The following ARNT2 variants were observed in gnomAD, a reference collection of about 807,000 sequenced individuals.
ARNT2 encodes the protein aryl hydrocarbon receptor nuclear translocator 2.
In ARNT2, 36 loss-of-function variants were observed where a neutral mutation model predicts 91.7. The ratio of observed to expected loss-of-function variants is 0.39; its 90% confidence interval spans 0.30 to 0.52. The LOEUF (loss-of-function observed/expected upper bound fraction) is 0.52. ARNT2 is among the 20% of genes least tolerant of loss of function. ARNT2 has a pLI of 0.72. For synonymous variants in ARNT2, 365 were observed against 347.1 expected, an observed-to-expected ratio of 1.05 and a Z score of -0.57; for missense variants, 775 against 939.3, an observed-to-expected ratio of 0.83 and a Z score of 2.29.
intron 1 of ARNT2, among the ~76,000 whole-genome samples, chr15:80,429,884 C>T (rs1895985303): frequency 6.6e-6 from 1 of 152,186 alleles, no homozygotes; most frequent in African/African-American, 2.4e-5. Flanking sequence ...TCATGACTGC[C>T]CTTCCATCCT....
intron 8 of ARNT2, among the ~76,000 whole-genome samples, chr15:80,541,976 G>T (rs1342529478): frequency 6.6e-6 from 1 of 152,230 alleles, no homozygotes; most frequent in South Asian, 2.1e-4. Context: ...CTGCTCGTCA[G>T]TGTTGGTGTC....
intron 12 of ARNT2, among the ~76,000 whole-genome samples, chr15:80,568,227 G>A (rs982173719): frequency 2.0e-4 from 31 of 152,180 alleles, no homozygotes; most frequent in African/African-American, 6.8e-4. Context: ...GCACTGGGGG[G>A]CCAAGACTCA....
In ARNT2 at chr15:80,547,162, A is replaced by G. The variant is rs528176131; in HGVS notation, c.878-4037A>G. On this transcript the variant is annotated intron_variant, in intron 8 of 18. Transcript: ENST00000303329. ...TTCAAGGGCACACAAAGTTAAAACTATTCTCATAATAACACTGAGATGTTA... is the reference window on the plus strand; with the variant it reads ...TTCAAGGGCACACAAAGTTAAAACTGTTCTCATAATAACACTGAGATGTTA... 5.3e-5 allele frequency among the ~76,000 whole-genome samples: 8 copies of G among 152,290 alleles called. No individual in the cohort carries two copies. The South Asian group carries it at 1.4e-3, about 28-fold the overall frequency.
chr15:80,463,806 G>C (rs1248149342), intron 3 of ARNT2, among the ~76,000 whole-genome samples: 1 of 152,090 alleles, frequency 6.6e-6, no homozygotes, highest in Non-Finnish European at 1.5e-5. Flanking sequence ...CCAACCTCAG[G>C]TGATCCGCCT....
At chr15:80,578,014 GC>G (rs1898713750) in intron 15 of ARNT2, among the ~76,000 whole-genome samples, 1 of 152,188 alleles carries the variant, frequency 6.6e-6, no homozygotes, top group Non-Finnish European at 1.5e-5. Flanking sequence ...CAATAGTCAA[GC>G]CCTCCAGACT....
chr15:80,414,174 A>C (rs1346311726), intron 1 of ARNT2, among the ~76,000 whole-genome samples: 1 of 152,224 alleles, frequency 6.6e-6, no homozygotes, highest in African/African-American at 2.4e-5. Flanking sequence ...GTGTATCCAC[A>C]CAGTGCTTCT....
At chr15:80,459,202 T>C (rs1384914153) in intron 3 of ARNT2, among the ~76,000 whole-genome samples, 1 of 152,232 alleles carries the variant, frequency 6.6e-6, no homozygotes, top group Non-Finnish European at 1.5e-5. Flanking sequence ...TCTGCTTTGG[T>C]TGAAACAGTA....
intron 8 of ARNT2, among the ~76,000 whole-genome samples, chr15:80,538,291 A>G (rs970529928): frequency 6.6e-6 from 1 of 152,204 alleles, no homozygotes; most frequent in Non-Finnish European, 1.5e-5. Context: ...TAATATGGCC[A>G]ATAATCTTGA....
At chr15:80,535,072 G>A (rs1897798382) in intron 8 of ARNT2, among the ~76,000 whole-genome samples, 2 of 152,164 alleles carry the variant, frequency 1.3e-5, no homozygotes, top group South Asian at 4.1e-4. Flanking sequence ...TCTACATTCA[G>A]GGCAGGAGGA....
At chr15:80,464,324 G>A (rs1000710703) in intron 3 of ARNT2, among the ~76,000 whole-genome samples, 3 of 150,840 alleles carry the variant, frequency 2.0e-5, no homozygotes, top group African/African-American at 4.9e-5. Flanking sequence ...GGGGCTGGGG[G>A]TGGGGGGTTG....
At chr15:80,513,877 CT>C in intron 6 of ARNT2, 33 bp from the exon 7 acceptor site, 2 of 1,573,442 alleles carry the variant, frequency 1.3e-6, no homozygotes, top group Non-Finnish European at 1.7e-6. Context: ...TTGCCTGGGT[CT>C]TTGCTCATTC....
chr15:80,570,283 T>C (rs1356777441), intron 12 of ARNT2, among the ~76,000 whole-genome samples: 3 of 151,912 alleles, frequency 2.0e-5, no homozygotes, highest in African/African-American at 7.3e-5. Context: ...GGACCCATAG[T>C]TCACACCCTG....
intron 9 of ARNT2, 148 bp from the exon 10 acceptor site, chr15:80,552,492 G>C (rs1305608372): frequency 2.1e-6 from 2 of 966,594 alleles, no homozygotes; most frequent in African/African-American, 3.3e-5. Context: ...ACCAGGGATA[G>C]ATATTTGAAC....
At chr15:80,476,443 G>A (rs1358466797) in intron 5 of ARNT2, among the ~76,000 whole-genome samples, 4 of 152,180 alleles carry the variant, frequency 2.6e-5, no homozygotes, top group Non-Finnish European at 5.9e-5. Context: ...AATCACATTG[G>A]AACAAATTTG....
At chr15:80,499,941 A>C (rs1041319158) in intron 5 of ARNT2, among the ~76,000 whole-genome samples, 1 of 152,240 alleles carries the variant, frequency 6.6e-6, no homozygotes, top group Non-Finnish European at 1.5e-5. Context: ...CTGCCCATTC[A>C]GAGCTCCCTC....
At chr15:80,529,971 T>A (rs1263407693) in intron 8 of ARNT2, among the ~76,000 whole-genome samples, 1 of 152,256 alleles carries the variant, frequency 6.6e-6, no homozygotes, top group Non-Finnish European at 1.5e-5. Context: ...TATGTCACAC[T>A]GAGTAGTTGA....
At chr15:80,463,054 A>G (rs1314269339) in intron 3 of ARNT2, among the ~76,000 whole-genome samples, 1 of 152,228 alleles carries the variant, frequency 6.6e-6, no homozygotes, top group African/African-American at 2.4e-5. Context: ...TGTCCTGCAG[A>G]GGTCTTTCCC....
Position 80,581,291 on chromosome 15 carries a change from C to T in ARNT2, c.1805C>T (p.Thr602Met), listed in dbSNP as rs561326856. Residue 602 changes from threonine to methionine, a missense_variant, in exon 17 of 19, where the codon ACG becomes ATG. This residue lies in a region of ARNT2 where 325 missense variants were observed against 359.9 expected (regional missense o/e 0.90). Coordinates refer to ENST00000303329, the MANE Select transcript of ARNT2 (RefSeq NM_014862.4). ...KTQSSPFGIG[T>M]SHTYPADPSS... Reference sequence around the variant, plus strand: ...CAGTCATCTCCCTTTGGGATTGGAACGAGCCACACCTACCCGGCAGACCCC... The same window carrying T: ...CAGTCATCTCCCTTTGGGATTGGAATGAGCCACACCTACCCGGCAGACCCC... The T allele has an allele frequency of 1.2e-5, 19 of 1,614,168 alleles. No homozygotes were observed. Among genetic ancestry groups the T allele is most frequent in the East Asian group, 1.1e-4 (5 of 44,874 alleles).
intron 5 of ARNT2, among the ~76,000 whole-genome samples, chr15:80,482,509 C>T (rs1896905935): frequency 6.6e-6 from 1 of 152,106 alleles, no homozygotes; most frequent in South Asian, 2.1e-4. Context: ...CACCTGAGGC[C>T]AAACAGCTGC....
Sources: gnomAD v4.1 joint callset for allele counts (sites outside exome capture counted in the v4.1 genomes callset) on GRCh38, gnomAD v4.1.1 for gene constraint, gnomAD v4.1.1 regional missense constraint, MANE v1.5 for transcripts, NCBI Gene and HGNC (gene_info 2026-07-23, HGNC 2026-07-21) for gene names.